The following ZNF185 variants were observed in gnomAD, a reference collection of about 807,000 sequenced individuals.
ZNF185 encodes zinc finger protein 185.
ZNF185 carries 56 observed loss-of-function variants against 58.6 expected under a neutral mutation model. The observed-to-expected ratio is 0.95, with a 90% confidence interval of 0.77 to 1.19. The LOEUF (loss-of-function observed/expected upper bound fraction) is 1.19, where lower values mean the gene tolerates loss of function less well. ZNF185 is among the 50% of genes most tolerant of loss of function. The probability of loss-of-function intolerance (pLI) is 0.00; values close to 1 mark genes in which losing one functional copy is unlikely to be tolerated. For missense variants in ZNF185, 627 were observed against 573.5 expected, an observed-to-expected ratio of 1.09 and a Z score of -0.95; for synonymous variants, 230 against 215.9, an observed-to-expected ratio of 1.07 and a Z score of -0.57.
chrX:152,941,891 C>T, intron 15 of ZNF185: 2 of 1,073,629 alleles, frequency 1.9e-6, no homozygotes, highest in Non-Finnish European at 2.4e-6. Context: ...CCGTCGCCGG[C>T]GGGAGGAAGC....
At chrX:152,939,776 GTTTTTT>G (rs57118182) in intron 15 of ZNF185, among the ~76,000 whole-genome samples, 957 of 49,805 alleles carry the variant, frequency 0.019, 6 homozygotes, top group Non-Finnish European at 0.027. Context: ...AATCAGAGGT[GTTTTTT>G]TTTTTTTTTT....
At chrX:152,965,498 T>A (rs781788787) in exon 19 of ZNF185, 1 of 1,189,711 alleles carries the variant, frequency 8.4e-7, no homozygotes, top group Non-Finnish European at 1.1e-6. Context: ...AAGTGTCTTC[T>A]GGGAAGCCAG....
At chrX:152,940,116 C>G (rs1028688715) in intron 15 of ZNF185, among the ~76,000 whole-genome samples, 1 of 110,919 alleles carries the variant, frequency 9.0e-6, no homozygotes, top group Non-Finnish European at 1.9e-5. Flanking sequence ...TGTTTCACAA[C>G]TCTGGCTGTA....
intron 11 of ZNF185, among the ~76,000 whole-genome samples, chrX:152,924,884 A>G (rs1229832947): frequency 8.9e-6 from 1 of 111,863 alleles, no homozygotes; most frequent in Non-Finnish European, 1.9e-5. Flanking sequence ...GGGTTTCACC[A>G]TATTGGCCAG....
rs1396936575 is a variant in ZNF185 at position 152,918,047 on chromosome X, G to GA, written c.342-16dup. ...GAGGGAGCCTGCAGGTAGACACATG[G>GA]AACCTTCTCCTCTCTAGTGCTGCCA... On this transcript the variant is annotated splice_polypyrimidine_tract_variant and intron_variant, in intron 5 of 22. Transcript: ENST00000449285. 8.5e-7 allele frequency: 1 copy of GA among 1,174,961 alleles called. No individual in the cohort carries two copies. The highest frequency in any genetic ancestry group is 1.8e-5 in the African/African-American group (1 of 56,424).
chrX:152,964,131 G>A (rs190951195), intron 18 of ZNF185, among the ~76,000 whole-genome samples, 182 bp downstream of exon 20: 1 of 112,441 alleles, frequency 8.9e-6, no homozygotes, highest in African/African-American at 3.2e-5. Flanking sequence ...CCCATCTACC[G>A]GGCCTAGACA....
chrX:152,935,160 G>C (rs781856660), intron 14 of ZNF185, among the ~76,000 whole-genome samples: 1 of 110,687 alleles, frequency 9.0e-6, no homozygotes, highest in South Asian at 3.8e-4. Flanking sequence ...TGAATCCACA[G>C]ATGTGGAACC....
chrX:152,954,340 G>A (rs2048600448), intron 16 of ZNF185, among the ~76,000 whole-genome samples: 1 of 111,176 alleles, frequency 9.0e-6, no homozygotes, highest in Admixed American at 9.6e-5. Flanking sequence ...TTAACCAGGA[G>A]CAAGCAAAAT....
At chrX:152,916,535 G>T (rs781832978) in intron 3 of ZNF185, among the ~76,000 whole-genome samples, 1 of 111,993 alleles carries the variant, frequency 8.9e-6, no homozygotes, top group Non-Finnish European at 1.9e-5. Context: ...GCGCCCTCTC[G>T]TCTCAAACTT....
At chrX:152,936,993 TGCATTCCCATGCTGTAA>T (rs2046377113) in intron 14 of ZNF185, among the ~76,000 whole-genome samples, 1 of 111,809 alleles carries the variant, frequency 8.9e-6, no homozygotes, top group Admixed American at 9.5e-5. Context: ...GAAGAAGCTG[TGCATTCCCATGCTGTAA>T]GCGTCTGCCC....
At chrX:152,932,901 G>C (rs1282412363) in exon 14 of ZNF185, 2 of 1,203,718 alleles carry the variant, frequency 1.7e-6, no homozygotes, top group Non-Finnish European at 2.2e-6. Flanking sequence ...TGATGGCAAT[G>C]TGGGATCCGG....
At chrX:152,916,006 C>T (rs1376498328) in intron 3 of ZNF185, among the ~76,000 whole-genome samples, 1 of 112,106 alleles carries the variant, frequency 8.9e-6, no homozygotes, top group African/African-American at 3.2e-5. Flanking sequence ...TCAGCGCCCA[C>T]TACCTGCCAG....
At chrX:152,920,118 C>T (rs1393463909) in intron 7 of ZNF185, among the ~76,000 whole-genome samples, 5 of 113,448 alleles carry the variant, frequency 4.4e-5, no homozygotes, top group Admixed American at 3.7e-4. Flanking sequence ...GAGCCGGGCA[C>T]ATGCCACATG....
At chrX:152,938,830 G>A (rs1321585957) in intron 15 of ZNF185, among the ~76,000 whole-genome samples, 9 of 89,750 alleles carry the variant, frequency 1.0e-4, no homozygotes, top group Non-Finnish European at 1.4e-4. Flanking sequence ...GAAAACAGCC[G>A]CAGCTGAGAT....
chrX:152,909,331 C>T, the ZNF185 span, among the ~76,000 whole-genome samples: 5 of 112,471 alleles, frequency 4.4e-5, no homozygotes, highest in Non-Finnish European at 7.5e-5. Flanking sequence ...ACACCTGAGC[C>T]ATAACCGGTC....
chrX:152,972,043 G>T (rs2126016415), exon 23 of ZNF185: 1 of 112,217 alleles, frequency 8.9e-6, no homozygotes, highest in South Asian at 3.7e-4. Flanking sequence ...CTTCCCAAGT[G>T]GGTTTTAGGG....
the ZNF185 span, among the ~76,000 whole-genome samples, chrX:152,903,752 C>T: frequency 2.2e-4 from 24 of 111,498 alleles, no homozygotes; most frequent in African/African-American, 7.5e-4. Context: ...TTGTATCTGG[C>T]TCTCTGAGAA....
At chrX:152,938,810 G>C (rs1418815241) in intron 15 of ZNF185, among the ~76,000 whole-genome samples, 1 of 92,489 alleles carries the variant, frequency 1.1e-5, no homozygotes, top group East Asian at 3.0e-4. Flanking sequence ...GGGAAGGATA[G>C]TGCTCCGAAG....
intron 16 of ZNF185, among the ~76,000 whole-genome samples, chrX:152,950,395 G>C (rs1020546856): frequency 8.9e-6 from 1 of 111,753 alleles, no homozygotes; most frequent in Admixed American, 9.5e-5. Flanking sequence ...AATGATGATT[G>C]ATAACCTTGT....
Sources: gnomAD v4.1 joint callset for allele counts (sites outside exome capture counted in the v4.1 genomes callset) on GRCh38, gnomAD v4.1.1 for gene constraint, MANE v1.5 for transcripts, NCBI Gene and HGNC (gene_info 2026-07-23, HGNC 2026-07-21) for gene names.